Variants in XRCC4 observed in about 807,000 individuals in gnomAD.
XRCC4 encodes the protein DNA repair protein XRCC4.
XRCC4 carries 28 observed loss-of-function variants against 39.1 expected under a neutral mutation model. That is an observed-to-expected ratio of 0.72 (90% CI 0.53 to 0.98). The LOEUF is 0.98. XRCC4 is among the 50% of genes least tolerant of loss of function. The probability of loss-of-function intolerance (pLI) is 0.00; values close to 1 mark genes in which losing one functional copy is unlikely to be tolerated. For synonymous variants in XRCC4, 123 were observed against 126.4 expected (o/e 0.97, Z 0.18); for missense variants, 350 against 376.4 (o/e 0.93, Z 0.58).
At chr5:83,156,182 G>A (rs188692085) in intron 3 of XRCC4, among the ~76,000 whole-genome samples, 70 of 151,974 alleles carry the variant, frequency 4.6e-4, no homozygotes, top group African/African-American at 1.2e-3. Context: ...AGTTTGTTTC[G>A]TAGTTAAGGA....
chr5:83,134,573 G>T (rs1282134905), intron 3 of XRCC4, among the ~76,000 whole-genome samples: 1 of 152,112 alleles, frequency 6.6e-6, no homozygotes, highest in Non-Finnish European at 1.5e-5. Context: ...GGACCAATCA[G>T]CTCTCTGCAA....
intron 6 of XRCC4, among the ~76,000 whole-genome samples, chr5:83,211,617 C>T (rs1751648213): frequency 6.6e-6 from 1 of 152,108 alleles, no homozygotes; most frequent in East Asian, 1.9e-4. Context: ...CTGTTCCTGC[C>T]ACCGCCCCTC....
chr5:83,310,766 G>A (rs1461370829), intron 7 of XRCC4: 1 of 456,506 alleles, frequency 2.2e-6, no homozygotes, highest in South Asian at 1.5e-5. Context: ...AACCCTAAAT[G>A]CAATTATAAC....
chr5:83,155,437 T>C (rs1175797100), intron 3 of XRCC4, among the ~76,000 whole-genome samples: 1 of 152,174 alleles, frequency 6.6e-6, no homozygotes, highest in East Asian at 1.9e-4. Flanking sequence ...GTAAAAGGTA[T>C]GTGCAGGCAT....
At chr5:83,220,284 G>A (rs1752030652) in intron 6 of XRCC4, among the ~76,000 whole-genome samples, 1 of 152,124 alleles carries the variant, frequency 6.6e-6, no homozygotes, top group African/African-American at 2.4e-5. Context: ...CAGACAAAAG[G>A]TGATGTGAAT....
chr5:83,189,189 C>T (rs2112677087), intron 3 of XRCC4, among the ~76,000 whole-genome samples: 2 of 152,316 alleles, frequency 1.3e-5, no homozygotes, highest in Middle Eastern at 6.8e-3. Context: ...CTCATCATCT[C>T]TGTTTAAGAC....
chr5:83,325,552 C>T (rs962260885), intron 7 of XRCC4, among the ~76,000 whole-genome samples: 3 of 152,156 alleles, frequency 2.0e-5, no homozygotes, highest in South Asian at 2.1e-4. Flanking sequence ...TAAGTGATAA[C>T]ATGTTATGTT....
the XRCC4 span, among the ~76,000 whole-genome samples, chr5:83,364,615 C>A: frequency 6.6e-6 from 1 of 152,202 alleles, no homozygotes; most frequent in Non-Finnish European, 1.5e-5. Context: ...CTACCAATGT[C>A]CCTGAAGCCC....
At chr5:83,171,759 T>C (rs1749736968) in intron 3 of XRCC4, among the ~76,000 whole-genome samples, 1 of 152,176 alleles carries the variant, frequency 6.6e-6, no homozygotes, top group Non-Finnish European at 1.5e-5. Context: ...TCCCATCAAC[T>C]CTTTTCAAAT....
intron 7 of XRCC4, among the ~76,000 whole-genome samples, chr5:83,270,789 A>G (rs940042088): frequency 6.4e-5 from 1 of 15,744 alleles, no homozygotes; most frequent in Non-Finnish European, 1.9e-4. Context: ...ATATATATGT[A>G]TATATTTTTT....
chr5:83,208,479 G>A (rs1173629771), intron 6 of XRCC4, among the ~76,000 whole-genome samples: 1 of 152,040 alleles, frequency 6.6e-6, no homozygotes, highest in African/African-American at 2.4e-5. Flanking sequence ...ATATCCAGAA[G>A]TAGAGTAGGG....
intron 3 of XRCC4, among the ~76,000 whole-genome samples, chr5:83,147,532 A>G (rs1748512663): frequency 6.6e-6 from 1 of 152,122 alleles, no homozygotes; most frequent in African/African-American, 2.4e-5. Flanking sequence ...GAGTAGAATG[A>G]TGGTTACCTG....
chr5:83,103,769 C>T (rs1271293917), intron 1 of XRCC4, among the ~76,000 whole-genome samples: 1 of 152,110 alleles, frequency 6.6e-6, no homozygotes, highest in African/African-American at 2.4e-5. Context: ...ATCTTTCAAA[C>T]ATAATGTTGA....
At chr5:83,179,614 C>T (rs970366101) in intron 3 of XRCC4, among the ~76,000 whole-genome samples, 2 of 152,142 alleles carry the variant, frequency 1.3e-5, no homozygotes, top group African/African-American at 4.8e-5. Flanking sequence ...GTCTTCTATG[C>T]CCCAGCTCTG....
chr5:83,123,329 T>C (rs954240275), intron 3 of XRCC4, among the ~76,000 whole-genome samples: 5 of 152,054 alleles, frequency 3.3e-5, no homozygotes, highest in African/African-American at 1.2e-4. Flanking sequence ...GAAAATCTAC[T>C]TTATGCATGT....
intron 3 of XRCC4, among the ~76,000 whole-genome samples, chr5:83,194,263 A>G (rs1277459396): frequency 2.6e-5 from 4 of 152,140 alleles, no homozygotes; most frequent in African/African-American, 9.7e-5. Flanking sequence ...ATTTTTCTTT[A>G]ACTTTGTGTG....
At chr5:83,329,350 A>G (rs1756364180) in intron 7 of XRCC4, among the ~76,000 whole-genome samples, 1 of 152,116 alleles carries the variant, frequency 6.6e-6, no homozygotes, top group East Asian at 1.9e-4. Flanking sequence ...ATGACAACCC[A>G]TGCAGTGAGA....
rs182654043 is a variant in XRCC4, at chr5:83,189,696, G to C, written c.316-6074G>C. On this transcript the variant is annotated intron_variant, in intron 3 of 7. Coordinates refer to ENST00000396027, the MANE Select transcript of XRCC4 (RefSeq NM_003401.5). Reference sequence around the variant, plus strand: ...TCCAGTTACCTTTTAAGATCAGTGTGAGCAGTTGTCAACTGAGATATGTTA... The same window carrying C: ...TCCAGTTACCTTTTAAGATCAGTGTCAGCAGTTGTCAACTGAGATATGTTA... Among the ~76,000 whole-genome samples, 52 of 152,286 alleles carry C rather than the reference G, an allele frequency of 3.4e-4. 1 individual carries two copies. Among genetic ancestry groups the C allele is most frequent in the Admixed American group, 1.8e-3 (27 of 15,296 alleles).
intron 3 of XRCC4, among the ~76,000 whole-genome samples, chr5:83,194,463 A>G (rs1750855036): frequency 6.6e-6 from 1 of 152,220 alleles, no homozygotes; most frequent in South Asian, 2.1e-4. Context: ...TGGATGTCTA[A>G]GTGAAGTCTG....
Sources: allele counts gnomAD v4.1 joint callset (sites outside exome capture counted in the v4.1 genomes callset), GRCh38; gene constraint gnomAD v4.1.1; transcripts MANE v1.5; gene names NCBI Gene and HGNC (gene_info 2026-07-23, HGNC 2026-07-21).